Variants in ELOVL6 observed in about 807,000 individuals in gnomAD.
ELOVL6 encodes the protein very long chain fatty acid elongase 6.
In ELOVL6, 8 loss-of-function variants were observed where a neutral mutation model predicts 31.7. That is an observed-to-expected ratio of 0.25 (90% CI 0.15 to 0.45). ELOVL6 has a LOEUF of 0.45. Ranked by LOEUF, ELOVL6 falls within the 20% of genes least tolerant of loss-of-function variation. The pLI, the probability that ELOVL6 is intolerant of heterozygous loss-of-function variation, is 1.00. For missense variants in ELOVL6, 126 were observed against 326.4 expected, an observed-to-expected ratio of 0.39 and a Z score of 4.73; for synonymous variants, 101 against 117.7, an observed-to-expected ratio of 0.86 and a Z score of 0.92.
In ELOVL6 at chr4:110,099,446, T is replaced by G. The variant is rs74995058; in HGVS notation, c.221+6051A>C. ...AATGAGGTTCAACAGGAAAAACTGG[T>G]GGTTAATAGGCAAGAAGTCAAACTA... On this transcript the variant is annotated intron_variant, in intron 2 of 3. Coordinates refer to ENST00000302274, the MANE Select transcript of ELOVL6 (RefSeq NM_024090.3). Among the ~76,000 whole-genome samples the G allele has an allele frequency of 7.8e-4, 118 of 152,218 alleles. 2 individuals carry two copies. The East Asian group carries it at 0.014, about 18-fold the overall frequency.
chr4:110,123,720 A>G (rs1163784617), intron 1 of ELOVL6, among the ~76,000 whole-genome samples: 1 of 152,198 alleles, frequency 6.6e-6, no homozygotes, highest in African/African-American at 2.4e-5. Context: ...CCAAGGCAAG[A>G]ACTATCTTCA....
At chr4:110,142,248 T>C (rs1175504067) in intron 1 of ELOVL6, among the ~76,000 whole-genome samples, 1 of 151,772 alleles carries the variant, frequency 6.6e-6, no homozygotes, top group East Asian at 1.9e-4. Flanking sequence ...TGTTTTACCG[T>C]GTTAGCAAGG....
intron 1 of ELOVL6, among the ~76,000 whole-genome samples, chr4:110,120,697 C>T (rs916295990): frequency 6.6e-6 from 1 of 151,766 alleles, no homozygotes; most frequent in African/African-American, 2.4e-5. Flanking sequence ...CTTGAGATTC[C>T]ACCGCTACAT....
chr4:110,192,971 T>C (rs1759667277), intron 1 of ELOVL6, among the ~76,000 whole-genome samples: 1 of 152,206 alleles, frequency 6.6e-6, no homozygotes, highest in Non-Finnish European at 1.5e-5. Flanking sequence ...GTTGCTGCAA[T>C]GTTAATGATG....
chr4:110,135,901 C>T (rs764320243), intron 1 of ELOVL6, among the ~76,000 whole-genome samples: 17 of 152,278 alleles, frequency 1.1e-4, no homozygotes, highest in Non-Finnish European at 2.4e-4. Flanking sequence ...CTCTACCTTC[C>T]TTAACATCTC....
At chr4:110,094,944 G>A (rs1756537270) in intron 2 of ELOVL6, among the ~76,000 whole-genome samples, 1 of 152,116 alleles carries the variant, frequency 6.6e-6, no homozygotes, top group Non-Finnish European at 1.5e-5. Flanking sequence ...GTGTTCCAAG[G>A]ACAGCAAGAC....
chr4:110,156,061 A>G (rs1758408086), intron 1 of ELOVL6, among the ~76,000 whole-genome samples: 1 of 152,226 alleles, frequency 6.6e-6, no homozygotes, highest in African/African-American at 2.4e-5. Flanking sequence ...CTTTCTTTAA[A>G]TACCTATTCA....
At chr4:110,095,810 C>G (rs1217875887) in intron 2 of ELOVL6, among the ~76,000 whole-genome samples, 1 of 150,236 alleles carries the variant, frequency 6.7e-6, no homozygotes, top group East Asian at 2.0e-4. Flanking sequence ...CAGGGTGGAA[C>G]AGGTGTAGTC....
intron 1 of ELOVL6, among the ~76,000 whole-genome samples, chr4:110,187,248 G>GGTCAAAGGACCTCTTAATT (rs1759476702): frequency 1.3e-5 from 2 of 151,576 alleles, no homozygotes; most frequent in Non-Finnish European, 1.5e-5. Flanking sequence ...ACAATTAAGA[G>GGTCAAAGGACCTCTTAATT]GTCCTTTGAC....
At chr4:110,169,807 CTT>C (rs759703117) in intron 1 of ELOVL6, among the ~76,000 whole-genome samples, 8 of 136,580 alleles carry the variant, frequency 5.9e-5, no homozygotes, top group Non-Finnish European at 7.9e-5. Context: ...TTCTTTCTTT[CTT>C]TTTTTTTTTT....
At chr4:110,097,822 T>C (rs2126242839) in intron 2 of ELOVL6, among the ~76,000 whole-genome samples, 1 of 151,828 alleles carries the variant, frequency 6.6e-6, no homozygotes, top group African/African-American at 2.4e-5. Context: ...ATTTCCTATA[T>C]ATCCATTAAT....
intron 1 of ELOVL6, among the ~76,000 whole-genome samples, chr4:110,143,849 A>G (rs931678887): frequency 5.3e-5 from 8 of 152,126 alleles, no homozygotes; most frequent in African/African-American, 1.4e-4. Context: ...TGAGGTCTGG[A>G]GTTCAAGACC....
At chr4:110,189,322 C>G (rs1332387006) in intron 1 of ELOVL6, among the ~76,000 whole-genome samples, 2 of 151,796 alleles carry the variant, frequency 1.3e-5, no homozygotes, top group African/African-American at 4.8e-5. Context: ...CGCAGTGGCT[C>G]ACGCCTGTAG....
intron 3 of ELOVL6, among the ~76,000 whole-genome samples, chr4:110,059,196 T>A (rs1755074398): frequency 6.6e-6 from 1 of 152,158 alleles, no homozygotes; most frequent in Non-Finnish European, 1.5e-5. Flanking sequence ...TAATTCCTAA[T>A]CTGAATCCTA....
Position 110,059,595 on chromosome 4 carries a change from A to G in ELOVL6, c.373+8T>C. On this transcript the variant is annotated splice_region_variant and intron_variant, in intron 3 of 3. Coordinates refer to ENST00000302274, the MANE Select transcript of ELOVL6 (RefSeq NM_024090.3). ...AGAGAGGGAGAGGAAATGGAAGAAG[A>G]TACTCACCTAGTTCGGGTGCTTTGC... 1.2e-6 allele frequency: 2 copies of G among 1,610,586 alleles called. No homozygotes were observed. The highest frequency in any genetic ancestry group is 2.7e-5 in the African/African-American group (2 of 74,964).
intron 1 of ELOVL6, among the ~76,000 whole-genome samples, chr4:110,145,686 C>G (rs1198612532): frequency 1.0e-5 from 1 of 97,124 alleles, no homozygotes; most frequent in Admixed American, 1.2e-4. Context: ...CTTCCTTAGT[C>G]AGAGACTGTC....
intron 1 of ELOVL6, among the ~76,000 whole-genome samples, chr4:110,178,990 A>C (rs1052163410): frequency 1.4e-4 from 21 of 152,206 alleles, no homozygotes; most frequent in Non-Finnish European, 4.4e-5. Context: ...TATCCACAAG[A>C]AGCAGAAAAC....
chr4:110,196,299 G>A (rs1404275551), intron 1 of ELOVL6, among the ~76,000 whole-genome samples: 3 of 152,234 alleles, frequency 2.0e-5, no homozygotes, highest in African/African-American at 7.2e-5. Context: ...TGACCACACA[G>A]GCTAATGCGG....
chr4:110,144,757 C>T (rs1018763800), intron 1 of ELOVL6, among the ~76,000 whole-genome samples: 5 of 152,142 alleles, frequency 3.3e-5, no homozygotes, highest in African/African-American at 1.2e-4. Context: ...AACAGACTCT[C>T]CTTGCTTTGA....
Sources: allele counts gnomAD v4.1 joint callset (sites outside exome capture counted in the v4.1 genomes callset), GRCh38; gene constraint gnomAD v4.1.1; transcripts MANE v1.5; gene names NCBI Gene and HGNC (gene_info 2026-07-23, HGNC 2026-07-21).